SPOCK3: variants seen among roughly 807,000 people sequenced by gnomAD.
The protein encoded by SPOCK3 is testican-3.
A neutral mutation model predicts 56.6 loss-of-function variants in SPOCK3; 30 were observed. The ratio of observed to expected loss-of-function variants is 0.53; its 90% CI spans 0.40 to 0.72. The LOEUF (loss-of-function observed/expected upper bound fraction) is 0.72. Ranked by LOEUF, SPOCK3 falls within the 30% of genes least tolerant of loss-of-function variation. The pLI, the probability that SPOCK3 is intolerant of heterozygous loss-of-function variation, is 0.00. For missense variants in SPOCK3, 527 were observed against 530.0 expected, an observed-to-expected ratio of 0.99 and a Z score of 0.06; for synonymous variants, 196 against 183.3, an observed-to-expected ratio of 1.07 and a Z score of -0.56.
chr4:166,770,199 C>T (rs1186923630), intron 7 of SPOCK3, among the ~76,000 whole-genome samples: 1 of 152,052 alleles, frequency 6.6e-6, no homozygotes, highest in Non-Finnish European at 1.5e-5. Flanking sequence ...TGTCCTGCCC[C>T]CACTGTCCGA....
At chr4:166,736,359 A>G (rs1445367658) in intron 10 of SPOCK3, among the ~76,000 whole-genome samples, 1 of 152,136 alleles carries the variant, frequency 6.6e-6, no homozygotes, top group Non-Finnish European at 1.5e-5. Context: ...TAATGCAACT[A>G]CTTTACAGCA....
At chr4:167,232,042 T>TAGA (rs71604477) in intron 2 of SPOCK3, among the ~76,000 whole-genome samples, 31,131 of 151,862 alleles carry the variant, frequency 0.2, 3,826 homozygotes, top group African/African-American at 0.35. Flanking sequence ...CTTGAGATCC[T>TAGA]AGAATAACTG....
chr4:166,946,919 C>T (rs1212728623), intron 4 of SPOCK3, among the ~76,000 whole-genome samples: 4 of 152,054 alleles, frequency 2.6e-5, no homozygotes, highest in African/African-American at 9.7e-5. Flanking sequence ...ATCAACATCA[C>T]CAATGAAAAA....
At chr4:167,079,913 A>G (rs1580226673) in intron 2 of SPOCK3, among the ~76,000 whole-genome samples, 1 of 152,112 alleles carries the variant, frequency 6.6e-6, no homozygotes, top group South Asian at 2.1e-4. Flanking sequence ...TACCAGTTTC[A>G]GGGTGGGAGG....
chr4:166,988,451 A>G (rs952904060), intron 4 of SPOCK3, among the ~76,000 whole-genome samples: 2 of 152,124 alleles, frequency 1.3e-5, no homozygotes, highest in African/African-American at 4.8e-5. Context: ...AAAAAGAGAT[A>G]TAAACTGATT....
intron 2 of SPOCK3, chr4:167,083,307 C>T: frequency 2.6e-6 from 2 of 764,784 alleles, no homozygotes; most frequent in Admixed American, 1.7e-5. Context: ...TTGTCATCTG[C>T]TCCTACTGAG....
In SPOCK3 at chr4:167,116,949, A is replaced by G. The variant is rs528470246; in HGVS notation, c.190-54412T>C. ...TATATATATACTTTTGTGTATATGT[A>G]TATATATATATCCCACCATAGAGAA... On this transcript the variant is annotated intron_variant, in intron 2 of 10. Transcript: ENST00000357545. Among the ~76,000 whole-genome samples, 33 of 138,590 alleles carry G rather than the reference A, an allele frequency of 2.4e-4. No homozygotes were observed. In the East Asian group the frequency reaches 2.5e-3, roughly 11 times the overall value. 90.9% of individuals were successfully genotyped at this position (138,590 alleles called of 152,430 possible). A position where few individuals can be genotyped will look rare whatever the true frequency, so the allele number is the denominator to read the frequency against.
chr4:167,003,839 C>T (rs1237988117), intron 3 of SPOCK3, among the ~76,000 whole-genome samples: 1 of 152,194 alleles, frequency 6.6e-6, no homozygotes, highest in Non-Finnish European at 1.5e-5. Context: ...TTTTAAACAA[C>T]TGCCATATAA....
At chr4:167,008,199 C>T (rs554509625) in intron 3 of SPOCK3, among the ~76,000 whole-genome samples, 297 of 151,808 alleles carry the variant, frequency 2.0e-3, no homozygotes, top group Non-Finnish European at 2.5e-3. Flanking sequence ...AGTTGAAGGT[C>T]TAAAAAAATG....
At chr4:167,211,710 A>G (rs1007967884) in intron 2 of SPOCK3, among the ~76,000 whole-genome samples, 5 of 151,922 alleles carry the variant, frequency 3.3e-5, no homozygotes, top group African/African-American at 1.2e-4. Flanking sequence ...GCCACATGGA[A>G]CTCTAAGTTC....
At chr4:166,925,140 T>C (rs1017122771) in intron 4 of SPOCK3, among the ~76,000 whole-genome samples, 1 of 152,146 alleles carries the variant, frequency 6.6e-6, no homozygotes, top group Non-Finnish European at 1.5e-5. Flanking sequence ...GAACAGGCAA[T>C]ACATAAGCAA....
At chr4:167,086,521 C>T (rs549955692) in intron 2 of SPOCK3, among the ~76,000 whole-genome samples, 16 of 152,164 alleles carry the variant, frequency 1.1e-4, no homozygotes, top group African/African-American at 2.4e-4. Flanking sequence ...TGCTAACTGA[C>T]GGGCTCTGTG....
chr4:166,795,420 C>T (rs1445402632), intron 6 of SPOCK3, among the ~76,000 whole-genome samples: 2 of 152,036 alleles, frequency 1.3e-5, no homozygotes, highest in Non-Finnish European at 1.5e-5. Flanking sequence ...CTTCCATAAG[C>T]CCAGGACATC....
At chr4:166,880,645 T>A (rs1205835157) in intron 6 of SPOCK3, among the ~76,000 whole-genome samples, 1 of 152,194 alleles carries the variant, frequency 6.6e-6, no homozygotes, top group Non-Finnish European at 1.5e-5. Context: ...AATTTTTCCA[T>A]CTCGGTTTTA....
intron 2 of SPOCK3, among the ~76,000 whole-genome samples, chr4:167,128,862 C>T (rs1227877779): frequency 6.6e-6 from 1 of 152,124 alleles, no homozygotes; most frequent in African/African-American, 2.4e-5. Context: ...CAGTCTCCCT[C>T]GTGGCCCACC....
chr4:166,988,750 C>T (rs187258808), intron 4 of SPOCK3, among the ~76,000 whole-genome samples: 1 of 152,058 alleles, frequency 6.6e-6, no homozygotes, highest in Non-Finnish European at 1.5e-5. Context: ...CAATTCACAT[C>T]AACTGAGTTG....
At chr4:166,741,948 G>T (rs764083587) in intron 9 of SPOCK3, 49 bp downstream of exon 9, 19 of 1,256,214 alleles carry the variant, frequency 1.5e-5, no homozygotes, top group Admixed American at 1.2e-4. Flanking sequence ...TTTCCCTGGG[G>T]TTATTTATGT....
intron 2 of SPOCK3, among the ~76,000 whole-genome samples, chr4:167,121,514 A>G (rs899539223): frequency 1.3e-5 from 2 of 152,090 alleles, no homozygotes; most frequent in East Asian, 3.9e-4. Flanking sequence ...TAATTTTCCT[A>G]CCTCGGAGCT....
intron 2 of SPOCK3, among the ~76,000 whole-genome samples, chr4:167,088,482 T>C (rs983319669): frequency 2.5e-4 from 37 of 146,346 alleles, no homozygotes; most frequent in Admixed American, 6.8e-4. Flanking sequence ...TTTTTTTTTT[T>C]TGAGATGGAA....
Sources: allele counts gnomAD v4.1 joint callset (sites outside exome capture counted in the v4.1 genomes callset), GRCh38; gene constraint gnomAD v4.1.1; transcripts MANE v1.5; gene names NCBI Gene and HGNC (gene_info 2026-07-23, HGNC 2026-07-21).